The following LINGO2 variants were observed in gnomAD, a reference collection of about 807,000 sequenced individuals.
The protein encoded by LINGO2 is leucine-rich repeat and immunoglobulin-like domain-containing nogo receptor-interacting protein 2.
A neutral mutation model predicts 30.6 loss-of-function variants in LINGO2; 14 were observed. That is an observed-to-expected ratio of 0.46 (90% CI 0.30 to 0.72). LINGO2 has a LOEUF of 0.72. Among genes scored for constraint, LINGO2 ranks in the 30% least tolerant of loss-of-function variants. The probability of loss-of-function intolerance (pLI) is 0.07; values close to 1 mark genes in which losing one functional copy is unlikely to be tolerated. For synonymous variants in LINGO2, 317 were observed against 288.5 expected, an observed-to-expected ratio of 1.10 and a Z score of -1.00; for missense variants, 729 against 751.7, an observed-to-expected ratio of 0.97 and a Z score of 0.35.
At chr9:28,337,028 TTAA>T (rs1189218998) in intron 3 of LINGO2, among the ~76,000 whole-genome samples, 21 of 149,944 alleles carry the variant, frequency 1.4e-4, no homozygotes, top group African/African-American at 5.1e-4. Flanking sequence ...TTTCAATATT[TTAA>T]TAATTTTAAT....
At chr9:28,450,709 A>T (rs1173443648) in intron 2 of LINGO2, among the ~76,000 whole-genome samples, 1 of 152,044 alleles carries the variant, frequency 6.6e-6, no homozygotes, top group Non-Finnish European at 1.5e-5. Context: ...ATGTCAATAC[A>T]GTAGAGTGTT....
intron 4 of LINGO2, among the ~76,000 whole-genome samples, chr9:28,062,863 T>C (rs767434707): frequency 6.6e-6 from 1 of 151,960 alleles, no homozygotes; most frequent in Non-Finnish European, 1.5e-5. Context: ...AAAAATTCTT[T>C]CTGTACTCAT....
chr9:29,121,082 A>G, the LINGO2 span, among the ~76,000 whole-genome samples: 2 of 152,200 alleles, frequency 1.3e-5, no homozygotes, highest in African/African-American at 4.8e-5. Flanking sequence ...TTTGGCAATA[A>G]CTTAAACATT....
At position 28,125,325 on chromosome 9, in the gene LINGO2, G is replaced by C. The variant is rs1377043; in HGVS notation, c.-86-112920C>G. Among the ~76,000 whole-genome samples the C allele has an allele frequency of 8.1e-4, 123 of 152,296 alleles. 1 individual carries two copies. Among genetic ancestry groups the C allele is most frequent in the African/African-American group, 2.9e-3 (120 of 41,562 alleles). On this transcript the variant is annotated intron_variant, in intron 4 of 5. Coordinates refer to ENST00000379992, the Ensembl canonical transcript of LINGO2. ...TCTTCTGTAATTAAAGATCACTGTT[G>C]ATCTAAGTACATCTGTTTATTTTAG...
intron 2 of LINGO2, among the ~76,000 whole-genome samples, chr9:28,376,461 T>C (rs1821136046): frequency 6.6e-6 from 1 of 152,156 alleles, no homozygotes; most frequent in Non-Finnish European, 1.5e-5. Context: ...AGATGCCACA[T>C]GGCATCACCC....
At chr9:28,071,987 T>C (rs1199737643) in intron 4 of LINGO2, among the ~76,000 whole-genome samples, 2 of 152,200 alleles carry the variant, frequency 1.3e-5, no homozygotes, top group African/African-American at 2.4e-5. Flanking sequence ...GTACATATGA[T>C]CGTCTGGTTA....
At chr9:28,422,771 A>G (rs934357264) in intron 2 of LINGO2, among the ~76,000 whole-genome samples, 2 of 152,114 alleles carry the variant, frequency 1.3e-5, no homozygotes, top group African/African-American at 4.8e-5. Context: ...GATGTAGCCT[A>G]TGTGGCCATT....
At chr9:29,004,553 A>G in the LINGO2 span, among the ~76,000 whole-genome samples, 1 of 151,998 alleles carries the variant, frequency 6.6e-6, no homozygotes, top group Non-Finnish European at 1.5e-5. Context: ...TCAGATAGGC[A>G]CAACTATATT....
chr9:28,770,232 T>A, the LINGO2 span, among the ~76,000 whole-genome samples: 3 of 152,202 alleles, frequency 2.0e-5, no homozygotes, highest in Admixed American at 6.5e-5. Flanking sequence ...GTGCCACTTG[T>A]ATCAGTTTGT....
At chr9:28,348,217 T>C (rs1267051673) in intron 3 of LINGO2, among the ~76,000 whole-genome samples, 2 of 152,270 alleles carry the variant, frequency 1.3e-5, no homozygotes, top group East Asian at 1.9e-4. Context: ...GGGTGATTTC[T>C]GCATTTCCAT....
At chr9:28,553,431 G>C (rs529826839) in intron 1 of LINGO2, among the ~76,000 whole-genome samples, 1 of 152,144 alleles carries the variant, frequency 6.6e-6, no homozygotes. Context: ...AATGAAGTGA[G>C]AAGGGAAGTT....
intron 3 of LINGO2, among the ~76,000 whole-genome samples, chr9:28,312,155 C>CTTTTTTTTTTTTTTT (rs72304845): frequency 9.8e-5 from 14 of 143,234 alleles, no homozygotes; most frequent in Non-Finnish European, 1.4e-4. Flanking sequence ...TTTCTTTTTT[C>CTTTTTTTTTTTTTTT]TTTTTTTTGT....
intron 4 of LINGO2, among the ~76,000 whole-genome samples, chr9:28,256,960 C>A (rs1157660094): frequency 6.6e-6 from 1 of 151,810 alleles, no homozygotes; most frequent in Middle Eastern, 3.4e-3. Flanking sequence ...GCCTTTAAAT[C>A]TATTGTGAGG....
chr9:28,299,573 T>C (rs951692306), intron 3 of LINGO2, among the ~76,000 whole-genome samples: 5 of 152,174 alleles, frequency 3.3e-5, no homozygotes, highest in South Asian at 4.1e-4. Flanking sequence ...ATGTAGTTTC[T>C]TTTTAATTGT....
At chr9:28,467,045 G>GA (rs1554724277) in intron 2 of LINGO2, among the ~76,000 whole-genome samples, 1 of 149,980 alleles carries the variant, frequency 6.7e-6, no homozygotes, top group Non-Finnish European at 1.5e-5. Flanking sequence ...TGGGGGGGGG[G>GA]GACGGAGTCT....
At chr9:29,201,106 T>C in the LINGO2 span, among the ~76,000 whole-genome samples, 1 of 152,072 alleles carries the variant, frequency 6.6e-6, no homozygotes, top group East Asian at 1.9e-4. Context: ...TCCTCCTTTC[T>C]ATGCATACTG....
At chr9:28,678,992 T>G in the LINGO2 span, among the ~76,000 whole-genome samples, 1 of 152,152 alleles carries the variant, frequency 6.6e-6, no homozygotes, top group Admixed American at 6.6e-5. Flanking sequence ...ATCTTTGATA[T>G]GCACAAAATC....
the LINGO2 span, among the ~76,000 whole-genome samples, chr9:28,767,277 T>C: frequency 2.1e-4 from 32 of 152,176 alleles, no homozygotes; most frequent in Non-Finnish European, 4.3e-4. Flanking sequence ...AGGAGATGAA[T>C]ATATTAATTT....
chr9:28,177,996 G>T (rs185544894), intron 4 of LINGO2, among the ~76,000 whole-genome samples: 2 of 152,274 alleles, frequency 1.3e-5, no homozygotes, highest in Admixed American at 1.3e-4. Flanking sequence ...GTGTTTTGAA[G>T]TCATACATGA....
Sources: allele counts gnomAD v4.1 joint callset (sites outside exome capture counted in the v4.1 genomes callset), GRCh38; gene constraint gnomAD v4.1.1; transcripts MANE v1.5; gene names NCBI Gene and HGNC (gene_info 2026-07-23, HGNC 2026-07-21).